The following HPS5 variants were observed in gnomAD, a reference collection of about 807,000 sequenced individuals.
HPS5 encodes the protein BLOC-2 complex member HPS5.
A neutral mutation model predicts 128.0 loss-of-function variants in HPS5; 83 were observed. The observed-to-expected ratio is 0.65, with a 90% CI of 0.54 to 0.78. The LOEUF is 0.78. Among genes scored for constraint, HPS5 ranks in the 30% least tolerant of loss-of-function variants. The probability of loss-of-function intolerance (pLI) is 0.00; values close to 1 mark genes in which losing one functional copy is unlikely to be tolerated. For synonymous variants in HPS5, 475 were observed against 470.2 expected, an observed-to-expected ratio of 1.01 and a Z score of -0.13; for missense variants, 1,281 against 1,326.2, an observed-to-expected ratio of 0.97 and a Z score of 0.53.
chr11:18,279,755 T>A lies in HPS5; in HGVS notation c.*127A>T. The stretch of plus-strand genomic sequence containing the variant: ...CCAAGGGTACAGACACTGACAAAAG[T>A]AGCCCCAATAAGATGGCAGGATTTG... On this transcript the variant is annotated 3_prime_UTR_variant, in exon 23 of 23. Coordinates refer to ENST00000349215, the MANE Select transcript of HPS5 (RefSeq NM_181507.2). 1.2e-6 allele frequency: 1 copy of A among 854,846 alleles called. No homozygotes were observed. Among genetic ancestry groups the A allele is most frequent in the Non-Finnish European group, 2.0e-6 (1 of 510,488 alleles). 53.0% of individuals were successfully genotyped at this position (854,846 alleles called of 1,614,324 possible). A position where few individuals can be genotyped will look rare whatever the true frequency, so the allele number is the denominator to read the frequency against.
At position 18,310,847 on chromosome 11, in the gene HPS5, C is replaced by A; in HGVS notation, c.371G>T (p.Arg124Leu). Residue 124 changes from arginine (R) to leucine (L), a missense_variant, in exon 5 of 23, where the codon CGA becomes CTA. Transcript: ENST00000349215. ...ATCCCAGCAGAGAGCTGTGACTCTT[C>A]GGCCTTTGTGTTCTGAAGACACATA... ...QMYVSSEHKG[R>L]RVTALCWDTA... The A allele has an allele frequency of 6.2e-7, 1 of 1,613,058 alleles. No individual in the cohort carries two copies. Among genetic ancestry groups the A allele is most frequent in the South Asian group, 1.1e-5 (1 of 91,024 alleles).
At chr11:18,288,065 T>A in intron 16 of HPS5, 52 bp from the exon 17 acceptor site, 1 of 1,600,124 alleles carries the variant, frequency 6.2e-7, no homozygotes, top group Non-Finnish European at 8.5e-7. Context: ...GGCGGAAATA[T>A]TCAATTTATG....
intron 5 of HPS5, among the ~76,000 whole-genome samples, chr11:18,309,859 A>T (rs1862769169): frequency 6.6e-6 from 1 of 152,086 alleles, no homozygotes; most frequent in African/African-American, 2.4e-5. Context: ...AAAATTAGCC[A>T]GGCGTGGTGA....
In HPS5 at chr11:18,318,024, A is replaced by C. The variant is rs1863851628; in HGVS notation, c.-49-117T>G. On this transcript the variant is annotated intron_variant, in intron 1 of 22. Transcript: ENST00000349215. Reference sequence around the variant, plus strand: ...GAAAGTCCCCACTATACAGGGACTTAGAAAGAAAACACATAAGGTAACATC... The same window carrying C: ...GAAAGTCCCCACTATACAGGGACTTCGAAAGAAAACACATAAGGTAACATC... The C allele has an allele frequency of 5.5e-6, 4 of 723,142 alleles. No homozygotes were observed. In the Admixed American group the frequency reaches 7.9e-5, roughly 14 times the overall value. 44.8% of individuals were successfully genotyped at this position (723,142 alleles called of 1,614,324 possible).
chr11:18,311,479 T>G, intron 3 of HPS5, 28 bp from the exon 4 acceptor site: 1 of 1,402,408 alleles, frequency 7.1e-7, no homozygotes, highest in Admixed American at 1.9e-5. Flanking sequence ...ATACATTTTT[T>G]AAATCTCAAG....
intron 16 of HPS5, among the ~76,000 whole-genome samples, chr11:18,290,502 G>A (rs928753649): frequency 1.3e-5 from 2 of 152,158 alleles, no homozygotes; most frequent in Non-Finnish European, 2.9e-5. Flanking sequence ...TAGTATTTCT[G>A]TATTAGTAAG....
intron 22 of HPS5, among the ~76,000 whole-genome samples, chr11:18,280,213 G>T (rs1858697400): frequency 6.6e-6 from 1 of 152,136 alleles, no homozygotes; most frequent in South Asian, 2.1e-4. Context: ...ATGGGCAAAG[G>T]ACTTGAATAG....
At chr11:18,285,284 A>G (rs1198280761) in intron 20 of HPS5, 62 bp downstream of exon 20, 9 of 1,018,486 alleles carry the variant, frequency 8.8e-6, no homozygotes, top group African/African-American at 6.3e-5. Context: ...ACCCTTAACT[A>G]TAAAGTTGTT....
At chr11:18,298,363 C>A (rs1019887746) in intron 10 of HPS5, among the ~76,000 whole-genome samples, 2 of 151,838 alleles carry the variant, frequency 1.3e-5, no homozygotes, top group African/African-American at 4.8e-5. Flanking sequence ...GGTGTGGTGG[C>A]GAGCGCCTGT....
chr11:18,308,001 T>C (rs1235523406), intron 6 of HPS5, among the ~76,000 whole-genome samples: 1 of 152,160 alleles, frequency 6.6e-6, no homozygotes, highest in East Asian at 1.9e-4. Context: ...AAACTCTCCA[T>C]GATAAATTTT....
chr11:18,281,314 G>A (rs141977130), intron 22 of HPS5, among the ~76,000 whole-genome samples: 2,055 of 147,728 alleles, frequency 0.014, 54 homozygotes, highest in African/African-American at 0.047. Flanking sequence ...GGCTGGTCTC[G>A]AACTCCTGAC....
intron 22 of HPS5, among the ~76,000 whole-genome samples, 192 bp downstream of exon 22, chr11:18,281,758 T>C (rs1202216128): frequency 6.6e-6 from 1 of 152,172 alleles, no homozygotes; most frequent in African/African-American, 2.4e-5. Context: ...TTCAGGTTAA[T>C]CTGAACAGCA....
rs1262278447 is a variant in HPS5, at chr11:18,279,114, T to C, written c.*768A>G. On this transcript the variant is annotated 3_prime_UTR_variant, in exon 23 of 23. Coordinates refer to ENST00000349215, the MANE Select transcript of HPS5 (RefSeq NM_181507.2). ...TAATTTGTTTTTGAGACAGGGTCTT[T>C]CTCTGTCACCCAGACTGGTGTGCAA... is the stretch of plus-strand genomic sequence containing the variant. The C allele has an allele frequency of 1.3e-5, 2 of 152,262 alleles. No homozygotes were observed. Among genetic ancestry groups the C allele is most frequent in the African/African-American group, 4.8e-5 (2 of 41,476 alleles). The allele number at this position is 152,262 out of a possible 1,614,324, so 9.4% of individuals were successfully genotyped here. A position where few individuals can be genotyped will look rare whatever the true frequency, so the allele number is the denominator to read the frequency against.
intron 18 of HPS5, 167 bp from the exon 19 acceptor site, chr11:18,286,877 A>G (rs568350351): frequency 1.4e-5 from 11 of 814,102 alleles, no homozygotes; most frequent in African/African-American, 1.2e-4. Context: ...CCAAGCTCCA[A>G]GATAACAAAG....
In HPS5 at chr11:18,283,786, T is replaced by C. The variant is rs2049129; in HGVS notation, c.3058+9A>G. On this transcript the variant is annotated intron_variant, in intron 21 of 22. Transcript: ENST00000349215. Reference sequence around the variant, plus strand: ...GACAACCAAGAGTAACCAGTTAGGATTGACATACCATTGTCCCCTTCCATC... The same window carrying C: ...GACAACCAAGAGTAACCAGTTAGGACTGACATACCATTGTCCCCTTCCATC... The C allele has an allele frequency of 0.17, 270,420 of 1,582,672 alleles. 25,200 individuals are homozygous for C. Among genetic ancestry groups the C allele is most frequent in the African/African-American group, 0.29 (21,518 of 74,262 alleles).
At chr11:18,318,407 G>A (rs1287927947) in intron 1 of HPS5, among the ~76,000 whole-genome samples, 10 of 152,144 alleles carry the variant, frequency 6.6e-5, no homozygotes, top group South Asian at 4.1e-4. Context: ...CTCTTCAACC[G>A]AGCAGGGGCT....
chr11:18,321,435 T>A (rs1349488932), intron 1 of HPS5, among the ~76,000 whole-genome samples: 1 of 152,190 alleles, frequency 6.6e-6, no homozygotes, highest in Non-Finnish European at 1.5e-5. Flanking sequence ...TACCAAAAAC[T>A]AAGAACATAG....
intron 17 of HPS5, 23 bp from the exon 18 acceptor site, chr11:18,287,713 T>C (rs1250457820): frequency 1.2e-6 from 2 of 1,613,322 alleles, no homozygotes; most frequent in African/African-American, 1.3e-5. Context: ...ACAAAACACT[T>C]TAGTCTCTAA....
At chr11:18,304,798 T>G (rs1032267328) in intron 8 of HPS5, among the ~76,000 whole-genome samples, 3 of 152,248 alleles carry the variant, frequency 2.0e-5, no homozygotes, top group African/African-American at 7.2e-5. Context: ...AGATATTGGC[T>G]GGAAATCATA....
Sources: allele counts gnomAD v4.1 joint callset (sites outside exome capture counted in the v4.1 genomes callset), GRCh38; gene constraint gnomAD v4.1.1; transcripts MANE v1.5; gene names NCBI Gene and HGNC (gene_info 2026-07-23, HGNC 2026-07-21).